The following SFXN4 variants were observed in gnomAD, a reference collection of about 807,000 sequenced individuals.
The protein encoded by SFXN4 is sideroflexin 4.
In SFXN4, 48 loss-of-function variants were observed where a neutral mutation model predicts 54.6. That is an observed-to-expected ratio of 0.88 (90% CI 0.70 to 1.12). The LOEUF (loss-of-function observed/expected upper bound fraction) is 1.12, where lower values mean the gene tolerates loss of function less well. SFXN4 is among the 50% of genes most tolerant of loss of function. SFXN4 has a pLI of 0.00. For synonymous variants in SFXN4, 130 were observed against 145.5 expected, an observed-to-expected ratio of 0.89 and a Z score of 0.77; for missense variants, 383 against 409.2, an observed-to-expected ratio of 0.94 and a Z score of 0.55.
chr10:119,158,207 G>A (rs1355480210), intron 6 of SFXN4, 145 bp from the exon 7 acceptor site: 8 of 727,706 alleles, frequency 1.1e-5, no homozygotes, highest in Non-Finnish European at 1.9e-5. Flanking sequence ...AGGGGCTGCC[G>A]GTCCGTAGAC....
chr10:119,152,682 C>T (rs961253913), intron 11 of SFXN4, among the ~76,000 whole-genome samples: 1 of 151,968 alleles, frequency 6.6e-6, no homozygotes, highest in African/African-American at 2.4e-5. Context: ...AGTGGAAATA[C>T]CATTAGCATG....
intron 5 of SFXN4, 87 bp downstream of exon 5, chr10:119,160,828 G>T: frequency 7.3e-7 from 1 of 1,371,120 alleles, no homozygotes; most frequent in Non-Finnish European, 1.0e-6. Context: ...TCGAACTCCT[G>T]ACCCCAGGTG....
chr10:119,143,327 C>T (rs958591074), intron 13 of SFXN4, among the ~76,000 whole-genome samples: 2 of 151,948 alleles, frequency 1.3e-5, no homozygotes, highest in Non-Finnish European at 1.5e-5. Context: ...CCACAGCCTT[C>T]TGAGTAGCTG....
intron 6 of SFXN4, among the ~76,000 whole-genome samples, chr10:119,158,636 AAAAAG>A (rs2133615237): frequency 6.6e-6 from 1 of 150,558 alleles, no homozygotes; most frequent in African/African-American, 2.4e-5. Context: ...AAAAAAAAAA[AAAAAG>A]AAGTACACAT....
chr10:119,153,231 C>T (rs189564764), intron 11 of SFXN4, among the ~76,000 whole-genome samples: 1 of 151,728 alleles, frequency 6.6e-6, no homozygotes, highest in African/African-American at 2.4e-5. Context: ...GGCAACATGG[C>T]GAAACCCCAT....
At chr10:119,164,928 A>AAAATATC (rs1231340925) in intron 1 of SFXN4, among the ~76,000 whole-genome samples, 4 of 152,250 alleles carry the variant, frequency 2.6e-5, no homozygotes, top group African/African-American at 7.2e-5. Flanking sequence ...AAAAGCGAGT[A>AAAATATC]AAATATCTCA....
intron 3 of SFXN4, among the ~76,000 whole-genome samples, chr10:119,161,437 C>CAAAAAAAAAAAAAAAAAAAAACCA (rs1554888747): frequency 8.3e-6 from 1 of 119,842 alleles, no homozygotes; most frequent in African/African-American, 3.2e-5. Context: ...CAAAAAAAAA[C>CAAAAAAAAAAAAAAAAAAAAACCA]AAAAAAAAAA....
intron 12 of SFXN4, among the ~76,000 whole-genome samples, chr10:119,146,769 T>C (rs1219498609): frequency 6.6e-6 from 1 of 152,140 alleles, no homozygotes; most frequent in East Asian, 1.9e-4. Context: ...GGGTTCACCA[T>C]GTTGGCCAGG....
chr10:119,156,748 A>C lies in SFXN4; in HGVS notation c.546T>G (p.Pro182=). ...GGCCATACTTCATCTGGACAAACTG[A>C]GGGATTACCTAGAAAAGAAGAGAGA... ...VASSTFLGVI[P]QFVQMKYGLT... Residue 182 remains proline, a synonymous_variant, in exon 10 of 14, where the codon CCT becomes CCG. Coordinates refer to ENST00000355697, the MANE Select transcript of SFXN4 (RefSeq NM_213649.2). 1 of 1,608,196 alleles carries C rather than the reference A, an allele frequency of 6.2e-7. No individual in the cohort carries two copies. The highest frequency in any genetic ancestry group is 8.5e-7 in the Non-Finnish European group (1 of 1,176,286).
intron 6 of SFXN4, 57 bp downstream of exon 6, chr10:119,159,669 GGA>G: frequency 6.4e-7 from 1 of 1,568,922 alleles, no homozygotes; most frequent in Non-Finnish European, 8.8e-7. Context: ...GAGGTTAGGA[GGA>G]GAGTGGCCAT....
At chr10:119,148,362 G>A (rs1846909375) in intron 11 of SFXN4, among the ~76,000 whole-genome samples, 1 of 152,126 alleles carries the variant, frequency 6.6e-6, no homozygotes, top group African/African-American at 2.4e-5. Flanking sequence ...GCCAGAAATA[G>A]CTGGCACCGT....
chr10:119,158,241 A>G lies in SFXN4; in HGVS notation c.361-179T>C, dbSNP rs542542101. 6.8e-5 allele frequency: 43 copies of G among 634,220 alleles called. No homozygotes were observed. In the African/African-American group the frequency reaches 7.5e-4, roughly 11 times the overall value. The allele number at this position is 634,220 out of a possible 1,614,324, so 39.3% of individuals were successfully genotyped here. A position where few individuals can be genotyped will look rare whatever the true frequency, so the allele number is the denominator to read the frequency against. On this transcript the variant is annotated intron_variant, in intron 6 of 13. Transcript: ENST00000355697. ...ACAAGGTTGAGTGAGCACCTGCCAA[A>G]CACCAAACTAGCAGCTCTAAGGACA...
chr10:119,143,362 C>T (rs1166858091), intron 13 of SFXN4, among the ~76,000 whole-genome samples: 1 of 151,932 alleles, frequency 6.6e-6, no homozygotes, highest in Admixed American at 6.6e-5. Context: ...TGCCGCTTCA[C>T]CCTACTAATT....
chr10:119,141,461 C>A, intron 13 of SFXN4, 142 bp from the exon 14 acceptor site: 1 of 268,464 alleles, frequency 3.7e-6, no homozygotes, highest in Admixed American at 1.2e-4. Flanking sequence ...GAAAATGTAA[C>A]CTATTTTTTT....
At chr10:119,163,478 A>G (rs1229487337) in intron 2 of SFXN4, among the ~76,000 whole-genome samples, 2 of 151,800 alleles carry the variant, frequency 1.3e-5, no homozygotes, top group Non-Finnish European at 2.9e-5. Flanking sequence ...GCTCACTGCA[A>G]CCTCCACCTC....
In SFXN4 at chr10:119,165,599, G is replaced by C; in HGVS notation, c.49C>G (p.Arg17Gly). Residue 17 changes from arginine (R) to glycine (G), a missense_variant, in exon 1 of 14, where the codon CGC (arginine) becomes GGC (glycine). Transcript: ENST00000355697. ...ATGAAGGCGGGGACGGCGTCTCTGC[G>C]TCCTAGGAGCCGCCCAGGTTGCGTT... ...EETQPGRLLG[R>G]RDAVPAFIEP... 1 of 1,593,972 alleles carries C rather than the reference G, an allele frequency of 6.3e-7. No individual in the cohort carries two copies. Among genetic ancestry groups the C allele is most frequent in the Non-Finnish European group, 8.5e-7 (1 of 1,171,980 alleles).
At position 119,165,352 on chromosome 10, in the gene SFXN4, T is replaced by C. The variant is rs1589654259; in HGVS notation, c.111+185A>G. On this transcript the variant is annotated intron_variant, in intron 1 of 13. Coordinates refer to ENST00000355697, the MANE Select transcript of SFXN4 (RefSeq NM_213649.2). ...GGCATCTGGCAGCTTCGATTTCCCC[T>C]GCGTCCCCTGCCGCGCCCTAAGGGG... 7 of 1,309,332 alleles carry C rather than the reference T, an allele frequency of 5.3e-6. No individual in the cohort carries two copies. The East Asian group carries it at 2.3e-4, about 44-fold the overall frequency. The allele number at this position is 1,309,332 out of a possible 1,614,324, so 81.1% of individuals were successfully genotyped here. A position where few individuals can be genotyped will look rare whatever the true frequency, so the allele number is the denominator to read the frequency against.
intron 2 of SFXN4, among the ~76,000 whole-genome samples, chr10:119,163,508 C>T (rs1420531047): frequency 2.6e-5 from 4 of 152,064 alleles, no homozygotes; most frequent in African/African-American, 4.8e-5. Flanking sequence ...GAAAGTGATT[C>T]GCCCACCTCA....
intron 13 of SFXN4, 74 bp downstream of exon 13, chr10:119,146,162 G>A (rs535852037): frequency 1.2e-6 from 1 of 855,522 alleles, no homozygotes. Context: ...AGAGTTTTAA[G>A]AAGAATAACT....
Sources: gnomAD v4.1 joint callset for allele counts (sites outside exome capture counted in the v4.1 genomes callset) on GRCh38, gnomAD v4.1.1 for gene constraint, MANE v1.5 for transcripts, NCBI Gene and HGNC (gene_info 2026-07-23, HGNC 2026-07-21) for gene names.